The following SAMD9L variants were observed in gnomAD, a reference collection of about 807,000 sequenced individuals.
The protein encoded by SAMD9L is sterile alpha motif domain containing 9 like, also known as sterile alpha motif domain-containing protein 9-like.
SAMD9L carries 68 observed loss-of-function variants against 90.7 expected under a neutral mutation model. The observed-to-expected ratio is 0.75, with a 90% CI of 0.62 to 0.92. The LOEUF is 0.92. Ranked by LOEUF, SAMD9L falls within the 40% of genes least tolerant of loss-of-function variation. The pLI is 0.00. For missense variants in SAMD9L, 1,604 were observed against 1,824.3 expected (o/e 0.88, Z 2.20); for synonymous variants, 640 against 630.1 (o/e 1.02, Z -0.23).
At chr7:93,141,737 G>T (rs1792698325) in intron 4 of SAMD9L, among the ~76,000 whole-genome samples, 1 of 151,902 alleles carries the variant, frequency 6.6e-6, no homozygotes, top group African/African-American at 2.4e-5. Context: ...TTTGACTCTG[G>T]CTTTGCCCCA....
intron 4 of SAMD9L, among the ~76,000 whole-genome samples, chr7:93,137,737 T>C (rs1374460398): frequency 0.038 from 3,235 of 86,120 alleles, 53 homozygotes; most frequent in Non-Finnish European, 0.045. Flanking sequence ...AACCTAAGTT[T>C]TTTTTTTTTT....
chr7:93,144,869 T>C (rs1039228038), intron 3 of SAMD9L, 36 bp from the exon 4 acceptor site: 1 of 152,270 alleles, frequency 6.6e-6, no homozygotes, highest in African/African-American at 2.4e-5. Flanking sequence ...TTTATTTTCT[T>C]GAAGTGCAAG....
In SAMD9L at chr7:93,131,324, A is replaced by G; in HGVS notation, c.4648T>C (p.Ser1550Pro). Residue 1550 changes from serine to proline, a missense_variant, in exon 5 of 5, where the codon TCT becomes CCT. By Grantham distance (74) the Ser-to-Pro change is moderately conservative. Transcript: ENST00000318238. ...CTTCTGAGTGGACCTGAATAAACAGATATTACTGGTATTTTTATTTTTTCC... is the reference window on the plus strand; with the variant it reads ...CTTCTGAGTGGACCTGAATAAACAGGTATTACTGGTATTTTTATTTTTTCC... ...TEEKIKIPVI[S>P]VYSGPLRSGR... 6.2e-7 allele frequency: 1 copy of G among 1,613,348 alleles called. No homozygotes were observed. Among genetic ancestry groups the G allele is most frequent in the Non-Finnish European group, 8.5e-7 (1 of 1,179,612 alleles).
intron 4 of SAMD9L, among the ~76,000 whole-genome samples, chr7:93,141,378 G>A (rs1022722562): frequency 1.3e-5 from 2 of 151,924 alleles, no homozygotes; most frequent in African/African-American, 4.8e-5. Context: ...TAACATGATC[G>A]GCCCTGGCTT....
At chr7:93,136,807 A>C (rs1792472840) in intron 4 of SAMD9L, among the ~76,000 whole-genome samples, 1 of 152,178 alleles carries the variant, frequency 6.6e-6, no homozygotes, top group African/African-American at 2.4e-5. Context: ...GGCATTCCAC[A>C]CCTGAGACTG....
At chr7:93,141,674 A>G (rs1236638228) in intron 4 of SAMD9L, among the ~76,000 whole-genome samples, 1 of 151,648 alleles carries the variant, frequency 6.6e-6, no homozygotes, top group Non-Finnish European at 1.5e-5. Flanking sequence ...TACTGCTACC[A>G]CCCTGTTCTA....
chr7:93,131,392 C>T lies in SAMD9L; in HGVS notation c.4580G>A (p.Gly1527Asp). ...EVKDLLRRLTGQAEGKLISVE... is the reference protein window; with the variant it reads ...EVKDLLRRLTDQAEGKLISVE... The stretch of plus-strand genomic sequence containing the variant: ...AGAGATTAGCTTGCCTTCAGCCTGA[C>T]CAGTTAGACGACGCAGGAGGTCTTT... The change falls in exon 5 of 5, where the codon GGT (glycine) becomes GAT (aspartate). Residue 1527 changes from glycine (G) to aspartate (D), a missense_variant. Physicochemically the swap from Gly to Asp is moderately conservative, Grantham distance 94 (BLOSUM62 -1). Transcript: ENST00000318238. 1 of 1,613,688 alleles carries T rather than the reference C, an allele frequency of 6.2e-7. No homozygotes were observed. Among genetic ancestry groups the T allele is most frequent in the Non-Finnish European group, 8.5e-7 (1 of 1,179,820 alleles).
In SAMD9L at chr7:93,132,603, T is replaced by A. The variant is rs1412554400; in HGVS notation, c.3369A>T (p.Leu1123=). The part of the protein sequence containing the change: ...APKNSYISDT[L]GQVYKSEIKW... ...TGATTTCACTTTTGTAGACTTGACC[T>A]AGTGTATCTGAAATATAGGAATTTT... The change falls in exon 5 of 5, where the codon CTA becomes CTT. Residue 1123 remains leucine (L), a synonymous_variant. Transcript: ENST00000318238. The A allele has an allele frequency of 6.2e-7, 1 of 1,613,764 alleles. No individual in the cohort carries two copies. Among genetic ancestry groups the A allele is most frequent in the South Asian group, 1.1e-5 (1 of 91,042 alleles).
intron 4 of SAMD9L, among the ~76,000 whole-genome samples, chr7:93,137,734 G>GTCT (rs1562798349): frequency 8.2e-6 from 1 of 121,940 alleles, no homozygotes; most frequent in Non-Finnish European, 1.7e-5. Context: ...AGGAACCTAA[G>GTCT]TTTTTTTTTT....
chr7:93,133,248 G>T lies in SAMD9L; in HGVS notation c.2724C>A (p.Ile908=), dbSNP rs190928056. 526 of 1,613,128 alleles carry T rather than the reference G, an allele frequency of 3.3e-4. No individual in the cohort carries two copies. Among genetic ancestry groups the T allele is most frequent in the Non-Finnish European group, 1.4e-4 (171 of 1,179,568 alleles). The change falls in exon 5 of 5, where the codon ATC becomes ATA. Residue 908 remains isoleucine, a synonymous_variant. Transcript: ENST00000318238. ...ETYIENVVRN[I]LKGQDVDSKE... ...TGCTGTCAACATCCTGTCCTTTTAG[G>T]ATATTCCTGACTACATTTTCTATAT...
rs1222447677 is a variant in SAMD9L, at chr7:93,135,377, A to G, written c.595T>C (p.Phe199Leu). Reference sequence around the variant, plus strand: ...GTTTCTGTGTTTGTGAGAGCTTTGAACTCATGTATTGGATCAATGAGATTG... The same window carrying G: ...GTTTCTGTGTTTGTGAGAGCTTTGAGCTCATGTATTGGATCAATGAGATTG... Reference protein sequence around the residue: ...ALNLIDPIHEFKALTNTETAT... With the variant: ...ALNLIDPIHELKALTNTETAT... Residue 199 changes from phenylalanine (F) to leucine (L), a missense_variant, in exon 5 of 5, where the codon TTC (phenylalanine) becomes CTC (leucine). Around this residue, in one of 7 missense-constraint regions of SAMD9L, gnomAD observed 374 missense variants for 363.6 expected, o/e 1.03. Transcript: ENST00000318238. The G allele has an allele frequency of 6.2e-7, 1 of 1,614,012 alleles. No homozygotes were observed.
chr7:93,137,164 G>T (rs185050525), intron 4 of SAMD9L, among the ~76,000 whole-genome samples: 1 of 152,232 alleles, frequency 6.6e-6, no homozygotes, highest in Admixed American at 6.5e-5. Flanking sequence ...TAAACTAGGG[G>T]TCTCCAAATC....
intron 4 of SAMD9L, among the ~76,000 whole-genome samples, chr7:93,138,605 A>G (rs964777836): frequency 5.3e-5 from 8 of 152,122 alleles, no homozygotes; most frequent in African/African-American, 1.9e-4. Context: ...ATTGAGGGAG[A>G]AAGCCTGGGG....
In SAMD9L at chr7:93,139,721, A is replaced by G. The variant is rs542713048; in HGVS notation, c.-20-3730T>C. Among the ~76,000 whole-genome samples the G allele has an allele frequency of 2.6e-5, 4 of 152,292 alleles. No individual in the cohort carries two copies. In the South Asian group the frequency reaches 6.2e-4, roughly 24 times the overall value. ...TGACTCTGTGCTACTTTGTTATGGC[A>G]GCTCTAGCCAATAAATACGGTTACT... On this transcript the variant is annotated intron_variant, in intron 4 of 4. Transcript: ENST00000318238.
rs148587013 is a variant in SAMD9L, at chr7:93,133,489, C to T, written c.2483G>A (p.Arg828Gln). 8.1e-6 allele frequency: 13 copies of T among 1,611,570 alleles called. No homozygotes were observed. The highest frequency in any genetic ancestry group is 1.1e-5 in the South Asian group (1 of 90,418). The change falls in exon 5 of 5, where the codon CGA (arginine) becomes CAA (glutamine). Residue 828 changes from arginine (R) to glutamine (Q), a missense_variant. By Grantham distance (43) the Arg-to-Gln change is conservative. Transcript: ENST00000318238. Reference sequence around the variant, plus strand: ...GATAATTACCAATGTTTTTTCATATCGCAAATCCTTTTCTGCTAAAACGGA... The same window carrying T: ...GATAATTACCAATGTTTTTTCATATTGCAAATCCTTTTCTGCTAAAACGGA... Reference protein sequence around the residue: ...IHSVLAEKDLRYEKTLVIILN... With the variant: ...IHSVLAEKDLQYEKTLVIILN...
Position 93,131,826 on chromosome 7 carries a change from ATTT to A in SAMD9L, c.4143_4145del (p.Gln1381_Asn1382delinsHis). ...TCAGAATAATGTTGGCCAAAATGGA[ATTT>A]TGTTTCTCATTTGTCATGGGCTTTT... On this transcript the variant is annotated inframe_deletion, in exon 5 of 5. Coordinates refer to ENST00000318238, the MANE Select transcript of SAMD9L (RefSeq NM_152703.5). 6.2e-7 allele frequency: 1 copy of A among 1,612,878 alleles called. No homozygotes were observed. The highest frequency in any genetic ancestry group is 8.5e-7 in the Non-Finnish European group (1 of 1,179,806).
Position 93,130,071 on chromosome 7 carries a change from AT to A in SAMD9L, c.*1145del, listed in dbSNP as rs1034135392. ...TACAAAGATGTGGATAAATAAATAT[AT>A]TTTTTATTCAATATTCAATTTAATC... On this transcript the variant is annotated 3_prime_UTR_variant, in exon 5 of 5. Coordinates refer to ENST00000318238, the MANE Select transcript of SAMD9L (RefSeq NM_152703.5). 10 of 152,132 alleles carry A rather than the reference AT, an allele frequency of 6.6e-5. No individual in the cohort carries two copies. Among genetic ancestry groups the A allele is most frequent in the African/African-American group, 1.2e-4 (5 of 41,414 alleles). The allele number at this position is 152,132 out of a possible 1,614,324, so 9.4% of individuals were successfully genotyped here. A position where few individuals can be genotyped will look rare whatever the true frequency, so the allele number is the denominator to read the frequency against.
chr7:93,136,857 A>G (rs897513831), intron 4 of SAMD9L, among the ~76,000 whole-genome samples: 1 of 152,172 alleles, frequency 6.6e-6, no homozygotes, highest in East Asian at 1.9e-4. Flanking sequence ...GTTTTCAGGC[A>G]TTAGTACTTC....
At chr7:93,139,726 TA>T (rs1169105359) in intron 4 of SAMD9L, among the ~76,000 whole-genome samples, 3 of 152,196 alleles carry the variant, frequency 2.0e-5, no homozygotes, top group Non-Finnish European at 4.4e-5. Context: ...ATGGCAGCTC[TA>T]GCCAATAAAT....
Sources: allele counts gnomAD v4.1 joint callset (sites outside exome capture counted in the v4.1 genomes callset), GRCh38; gene constraint gnomAD v4.1.1; regional missense constraint gnomAD v4.1.1; transcripts MANE v1.5; gene names NCBI Gene and HGNC (gene_info 2026-07-23, HGNC 2026-07-21).